CBFA2T2: variants seen among roughly 807,000 people sequenced by gnomAD.
The protein encoded by CBFA2T2 is CBFA2/RUNX1 partner transcriptional co-repressor 2.
Under a neutral mutation model 62.2 loss-of-function variants are expected in CBFA2T2, and 11 were observed. The ratio of observed to expected loss-of-function variants is 0.18; its 90% CI spans 0.11 to 0.29. CBFA2T2 has a LOEUF of 0.29. CBFA2T2 is among the 10% of genes least tolerant of loss of function. The pLI is 1.00. For missense variants in CBFA2T2, 592 were observed against 774.1 expected (o/e 0.76, Z 2.79); for synonymous variants, 295 against 287.5 (o/e 1.03, Z -0.27).
chr20:33,638,450 G>A (rs772340363), intron 9 of CBFA2T2, among the ~76,000 whole-genome samples: 5 of 152,160 alleles, frequency 3.3e-5, no homozygotes, highest in African/African-American at 9.7e-5. Context: ...TAGCCAAACC[G>A]AGATGATTAT....
chr20:33,603,019 C>G (rs2015197196), intron 1 of CBFA2T2, among the ~76,000 whole-genome samples: 1 of 152,154 alleles, frequency 6.6e-6, no homozygotes, highest in African/African-American at 2.4e-5. Flanking sequence ...GAGATTTCAT[C>G]ACACTATTCA....
At chr20:33,520,450 A>G (rs569160815) in intron 1 of CBFA2T2, among the ~76,000 whole-genome samples, 2 of 152,252 alleles carry the variant, frequency 1.3e-5, no homozygotes, top group East Asian at 3.9e-4. Flanking sequence ...CTTCTAACAT[A>G]TACTACTTTT....
rs6087506 is a variant in CBFA2T2 at position 33,607,141 on chromosome 20, A to G, written c.178+42A>G. 5.0e-3 allele frequency: 8,004 copies of G among 1,591,888 alleles called. 29 individuals are homozygous for G. The highest frequency in any genetic ancestry group is 5.4e-3 in the Non-Finnish European group (6,287 of 1,163,838). ...ACTTATGTTTGTAGTTCAGAGTGAC[A>G]TTTGGATCTAAGTGACTGACTTGTA... On this transcript the variant is annotated intron_variant, in intron 2 of 10. Transcript: ENST00000342704.
At chr20:33,518,821 T>C (rs546978570) in intron 1 of CBFA2T2, among the ~76,000 whole-genome samples, 2 of 152,114 alleles carry the variant, frequency 1.3e-5, no homozygotes, top group African/African-American at 4.8e-5. Flanking sequence ...TTTCTTTTTT[T>C]CTTTCTCTTC....
At chr20:33,538,981 C>T (rs761262616) in intron 1 of CBFA2T2, among the ~76,000 whole-genome samples, 3 of 152,210 alleles carry the variant, frequency 2.0e-5, no homozygotes, top group African/African-American at 4.8e-5. Flanking sequence ...GAAGTTCCAA[C>T]TTATTTATTC....
intron 8 of CBFA2T2, 115 bp downstream of exon 8, chr20:33,630,029 A>C: frequency 1.1e-6 from 1 of 903,100 alleles, no homozygotes; most frequent in East Asian, 2.7e-5. Context: ...TCAATTGTGG[A>C]TTTAGGGAAA....
At chr20:33,643,761 ATATATATATATAT>A (rs1414113531) in intron 10 of CBFA2T2, among the ~76,000 whole-genome samples, 7 of 1,216 alleles carry the variant, frequency 5.8e-3, no homozygotes, top group Non-Finnish European at 1.4e-3. Context: ...TACTATATAT[ATATATATATATAT>A]ATATATATAT....
At chr20:33,513,184 G>C (rs941457460) in intron 1 of CBFA2T2, among the ~76,000 whole-genome samples, 3 of 152,152 alleles carry the variant, frequency 2.0e-5, no homozygotes, top group Admixed American at 6.6e-5. Flanking sequence ...GCCAATGCTT[G>C]CATCAGCAGT....
intron 1 of CBFA2T2, among the ~76,000 whole-genome samples, chr20:33,498,175 C>T (rs1472699220): frequency 6.6e-6 from 1 of 152,052 alleles, no homozygotes; most frequent in Non-Finnish European, 1.5e-5. Context: ...AAGTGATCCA[C>T]CTGCCTTGGC....
intron 1 of CBFA2T2, among the ~76,000 whole-genome samples, chr20:33,521,680 C>A (rs1324617037): frequency 6.6e-6 from 1 of 152,084 alleles, no homozygotes; most frequent in Non-Finnish European, 1.5e-5. Context: ...GCTGGTGAGA[C>A]TAAGGAGAAG....
chr20:33,510,999 A>G (rs2011502274), intron 1 of CBFA2T2, among the ~76,000 whole-genome samples: 1 of 151,982 alleles, frequency 6.6e-6, no homozygotes, highest in Admixed American at 6.6e-5. Context: ...TTTTTCTTGT[A>G]AATTTGTTTA....
intron 1 of CBFA2T2, among the ~76,000 whole-genome samples, chr20:33,503,781 A>G (rs940074772): frequency 6.6e-6 from 1 of 152,088 alleles, no homozygotes; most frequent in African/African-American, 2.4e-5. Context: ...TCGATCTCGC[A>G]AAGTACTGGG....
chr20:33,602,764 A>G (rs536559500), intron 1 of CBFA2T2, among the ~76,000 whole-genome samples: 1 of 152,284 alleles, frequency 6.6e-6, no homozygotes, highest in Non-Finnish European at 1.5e-5. Flanking sequence ...TTCCTTACGA[A>G]GTCAAGAACT....
chr20:33,569,321 C>T (rs918119460), intron 1 of CBFA2T2, among the ~76,000 whole-genome samples: 2 of 152,138 alleles, frequency 1.3e-5, no homozygotes, highest in African/African-American at 4.8e-5. Context: ...TTTAATTTTG[C>T]ATTATTTTGT....
chr20:33,643,799 ATATATATAT>A (rs2016943425), intron 10 of CBFA2T2, among the ~76,000 whole-genome samples: 1 of 25,130 alleles, frequency 4.0e-5, no homozygotes, highest in African/African-American at 1.9e-4. Flanking sequence ...ATATATATAT[ATATATATAT>A]ATATATATAG....
chr20:33,611,020 C>CAAGAAAAACGAA, intron 2 of CBFA2T2, 74 bp from the exon 3 acceptor site: 1 of 1,576,776 alleles, frequency 6.3e-7, no homozygotes, highest in Admixed American at 1.7e-5. Flanking sequence ...AACGAAAATA[C>CAAGAAAAACGAA]AAACAAGAAA....
At chr20:33,573,956 A>AT (rs79244534) in intron 1 of CBFA2T2, 24,268 of 327,784 alleles carry the variant, frequency 0.074, 160 homozygotes, top group African/African-American at 0.097. Context: ...AATTTTTCTT[A>AT]TTTTTTTTTT....
chr20:33,493,747 C>T (rs961903097), intron 1 of CBFA2T2, among the ~76,000 whole-genome samples: 3 of 149,768 alleles, frequency 2.0e-5, no homozygotes, highest in Non-Finnish European at 3.0e-5. Flanking sequence ...CAGCGATCCT[C>T]CTGCCTCAGC....
intron 1 of CBFA2T2, among the ~76,000 whole-genome samples, chr20:33,537,877 T>C (rs1342938809): frequency 6.6e-6 from 1 of 152,168 alleles, no homozygotes; most frequent in African/African-American, 2.4e-5. Flanking sequence ...TACCACACTG[T>C]TTTACTATAA....
Sources: allele counts gnomAD v4.1 joint callset (sites outside exome capture counted in the v4.1 genomes callset), GRCh38; gene constraint gnomAD v4.1.1; transcripts MANE v1.5; gene names NCBI Gene and HGNC (gene_info 2026-07-23, HGNC 2026-07-21).